Variants in NUP93 observed in about 807,000 individuals in gnomAD.
NUP93 encodes the protein nucleoporin 93.
A neutral mutation model predicts 107.8 loss-of-function variants in NUP93; 55 were observed. The ratio of observed to expected loss-of-function variants is 0.51; its 90% confidence interval spans 0.41 to 0.64. The LOEUF (loss-of-function observed/expected upper bound fraction) is 0.64. Among genes scored for constraint, NUP93 ranks in the 30% least tolerant of loss-of-function variants. The probability of loss-of-function intolerance (pLI) is 0.00; values close to 1 mark genes in which losing one functional copy is unlikely to be tolerated. For synonymous variants in NUP93, 390 were observed against 397.5 expected, an observed-to-expected ratio of 0.98 and a Z score of 0.22; for missense variants, 937 against 1,044.7, an observed-to-expected ratio of 0.90 and a Z score of 1.42.
At chr16:56,820,865 T>C (rs1963528216) in intron 6 of NUP93, among the ~76,000 whole-genome samples, 1 of 152,202 alleles carries the variant, frequency 6.6e-6, no homozygotes. Flanking sequence ...TACCAGGACT[T>C]AACTAGTTCT....
intron 5 of NUP93, among the ~76,000 whole-genome samples, chr16:56,805,936 G>T (rs1268331546): frequency 6.6e-6 from 1 of 151,588 alleles, no homozygotes; most frequent in East Asian, 1.9e-4. Flanking sequence ...TTCATCTGGG[G>T]CTTGGGGCTT....
chr16:56,814,330 C>T (rs117522749), intron 5 of NUP93, among the ~76,000 whole-genome samples: 2,051 of 152,200 alleles, frequency 0.013, 20 homozygotes, highest in Non-Finnish European at 0.022. Flanking sequence ...GGACTACAGG[C>T]GCGTTCTGCC....
intron 13 of NUP93, 69 bp downstream of exon 13, chr16:56,833,475 C>T (rs1335836008): frequency 7.9e-7 from 1 of 1,265,586 alleles, no homozygotes; most frequent in Admixed American, 3.1e-5. Context: ...ACGGTGGCCA[C>T]AAAACCACAA....
rs1462973129 is a variant in NUP93, at chr16:56,845,346, A to C, written c.*737A>C. 1 of 152,152 alleles carries C rather than the reference A, an allele frequency of 6.6e-6. No individual in the cohort carries two copies. The highest frequency in any genetic ancestry group is 1.5e-5 in the Non-Finnish European group (1 of 68,112). The allele number at this position is 152,152 out of a possible 1,614,324, so 9.4% of individuals were successfully genotyped here. On this transcript the variant is annotated 3_prime_UTR_variant, in exon 22 of 22. Transcript: ENST00000308159. The stretch of plus-strand genomic sequence containing the variant: ...GTGAGTTGACTGCTCGGCCTTGTAC[A>C]CACCCCTCCTAGAAAGACGTTTAAG...
intron 5 of NUP93, among the ~76,000 whole-genome samples, chr16:56,817,878 G>A (rs947578347): frequency 6.6e-6 from 1 of 152,222 alleles, no homozygotes; most frequent in African/African-American, 2.4e-5. Context: ...GTGTGGAGTA[G>A]GCTAAACCGT....
chr16:56,831,903 A>G lies in NUP93; in HGVS notation c.1147A>G (p.Thr383Ala), dbSNP rs1479565556. The G allele has an allele frequency of 8.1e-6, 13 of 1,614,142 alleles. No homozygotes were observed. Among genetic ancestry groups the G allele is most frequent in the East Asian group, 2.2e-5 (1 of 44,886 alleles). ...TTACCGTAGGGCCCTCAGGAACAATACAGATCCCTACAAGCGGGCCGTGTA... is the reference window on the plus strand; with the variant it reads ...TTACCGTAGGGCCCTCAGGAACAATGCAGATCCCTACAAGCGGGCCGTGTA... Reference protein sequence around the residue: ...LHYRRALRNNTDPYKRAVYCI... With the variant: ...LHYRRALRNNADPYKRAVYCI... The change falls in exon 11 of 22, where the codon ACA becomes GCA. Residue 383 changes from threonine to alanine, a missense_variant. Physicochemically the swap from Thr to Ala is moderately conservative, Grantham distance 58. Coordinates refer to ENST00000308159, the MANE Select transcript of NUP93 (RefSeq NM_014669.5).
intron 18 of NUP93, 49 bp from the exon 19 acceptor site, chr16:56,838,903 G>A (rs774353376): frequency 7.6e-7 from 1 of 1,316,708 alleles, no homozygotes; most frequent in South Asian, 1.2e-5. Flanking sequence ...GGATTACACA[G>A]AAATTCCTGA....
At chr16:56,735,552 A>G (rs1302140439) in intron 1 of NUP93, among the ~76,000 whole-genome samples, 1 of 152,202 alleles carries the variant, frequency 6.6e-6, no homozygotes. Flanking sequence ...CCGTGTCAGA[A>G]AGAGAGATGG....
At chr16:56,769,419 G>A (rs1400093856) in intron 3 of NUP93, among the ~76,000 whole-genome samples, 11 of 152,150 alleles carry the variant, frequency 7.2e-5, no homozygotes, top group South Asian at 2.1e-4. Context: ...CTTGCGGAGC[G>A]TTGGGAGGTG....
At chr16:56,815,050 G>C (rs1349414355) in intron 5 of NUP93, among the ~76,000 whole-genome samples, 1 of 152,222 alleles carries the variant, frequency 6.6e-6, no homozygotes, top group Non-Finnish European at 1.5e-5. Flanking sequence ...TTGAAAACAA[G>C]AGCATTAGGC....
At position 56,849,506 on chromosome 16, in the gene NUP93, A is replaced by G. The variant is rs1168382284; in HGVS notation, c.*4897A>G. On this transcript the variant is annotated 3_prime_UTR_variant, in exon 22 of 22. Coordinates refer to ENST00000308159, the MANE Select transcript of NUP93 (RefSeq NM_014669.5). ...CAGGAAGTGGGGAGTCAGTGATCCC[A>G]GAGGGGACTTCAGCATCAGGACATA... 6.6e-6 allele frequency: 1 copy of G among 152,202 alleles called. No homozygotes were observed. Among genetic ancestry groups the G allele is most frequent in the African/African-American group, 2.4e-5 (1 of 41,446 alleles). 9.4% of individuals were successfully genotyped at this position (152,202 alleles called of 1,614,324 possible).
Position 56,837,684 on chromosome 16 carries a change from AC to A in NUP93, c.1977del (p.Asn659LysfsTer5). The A allele has an allele frequency of 6.2e-7, 1 of 1,614,148 alleles. No individual in the cohort carries two copies. The stretch of plus-strand genomic sequence containing the variant: ...CCCCAGATCAGTGCCCCGCAATCCA[AC>A]AAGGAGAGGCTGAAGAACATGGCAC... ...VVPQISAPQS[N>X]KERLKNMALS... is the part of the protein sequence containing the mutation. On this transcript the variant is annotated frameshift_variant, in exon 18 of 22. Transcript: ENST00000308159. LOFTEE classifies it high-confidence loss of function.
chr16:56,825,185 G>A (rs1326647712), intron 8 of NUP93, among the ~76,000 whole-genome samples: 7 of 149,512 alleles, frequency 4.7e-5, no homozygotes, highest in African/African-American at 1.5e-4. Context: ...GCCTCCTGAG[G>A]TGTGTGCTAC....
chr16:56,834,047 G>T (rs1420195828), intron 13 of NUP93, 81 bp from the exon 14 acceptor site: 3 of 1,584,750 alleles, frequency 1.9e-6, no homozygotes, highest in East Asian at 2.3e-5. Flanking sequence ...CTGGGTCTGT[G>T]GATTCAGCTT....
chr16:56,807,523 A>G (rs776325550), intron 5 of NUP93, among the ~76,000 whole-genome samples: 4 of 152,214 alleles, frequency 2.6e-5, no homozygotes, highest in Non-Finnish European at 5.9e-5. Flanking sequence ...TGCCTGGAAT[A>G]CTGTAGATGC....
Position 56,818,745 on chromosome 16 carries a change from GT to G in NUP93, c.564+8del. ...GATGGCCTATGCGCGGCAAGTGAGT[GT>G]GATTTTAAGGGGGATTAAGCCAGGA... On this transcript the variant is annotated splice_region_variant and intron_variant, in intron 6 of 21. Coordinates refer to ENST00000308159, the MANE Select transcript of NUP93 (RefSeq NM_014669.5). 3 of 1,612,832 alleles carry G rather than the reference GT, an allele frequency of 1.9e-6. No individual in the cohort carries two copies. The highest frequency in any genetic ancestry group is 2.5e-6 in the Non-Finnish European group (3 of 1,178,940).
chr16:56,834,352 T>G lies in NUP93; in HGVS notation c.1665-18T>G. ...CTCATGTCCAGACTGGAAACTGAGT[T>G]GTTTATTTCCCTTACAGGGATGAGA... On this transcript the variant is annotated intron_variant, in intron 14 of 21. Coordinates refer to ENST00000308159, the MANE Select transcript of NUP93 (RefSeq NM_014669.5). 6.2e-7 allele frequency: 1 copy of G among 1,614,138 alleles called. No individual in the cohort carries two copies. Among genetic ancestry groups the G allele is most frequent in the South Asian group, 1.1e-5 (1 of 91,088 alleles).
At chr16:56,804,260 C>T (rs1202583541) in intron 4 of NUP93, among the ~76,000 whole-genome samples, 1 of 152,122 alleles carries the variant, frequency 6.6e-6, no homozygotes, top group Non-Finnish European at 1.5e-5. Context: ...ATTTGTACAC[C>T]CACGTTTATA....
chr16:56,793,246 G>T (rs1256789314), intron 3 of NUP93, among the ~76,000 whole-genome samples: 3 of 152,152 alleles, frequency 2.0e-5, no homozygotes, highest in African/African-American at 7.2e-5. Context: ...AAGTCAGGAG[G>T]AGTTAGTTTA....
Sources: gnomAD v4.1 joint callset for allele counts (sites outside exome capture counted in the v4.1 genomes callset) on GRCh38, gnomAD v4.1.1 for gene constraint, MANE v1.5 for transcripts, NCBI Gene and HGNC (gene_info 2026-07-23, HGNC 2026-07-21) for gene names.